Variants in KAT6B observed in about 807,000 individuals in gnomAD.
KAT6B encodes lysine acetyltransferase 6B.
A neutral mutation model predicts 187.5 loss-of-function variants in KAT6B; 10 were observed. The ratio of observed to expected loss-of-function variants is 0.05; its 90% CI spans 0.03 to 0.09. The LOEUF (loss-of-function observed/expected upper bound fraction) is 0.09. Ranked by LOEUF, KAT6B falls within the 10% of genes least tolerant of loss-of-function variation. The pLI is 1.00. For synonymous variants in KAT6B, 861 were observed against 926.8 expected, an observed-to-expected ratio of 0.93 and a Z score of 1.29; for missense variants, 1,952 against 2,558.9, an observed-to-expected ratio of 0.76 and a Z score of 5.12.
At chr10:74,826,208 C>A (rs1417377068), upstream of KAT6B, among the ~76,000 whole-genome samples, 4 of 151,858 alleles carry the variant, frequency 2.6e-5, no homozygotes, top group Non-Finnish European at 5.9e-5. Flanking sequence ...AGGCTACGCT[C>A]CTCTGCTGCG....
chr10:74,902,568 G>A (rs180752053), intron 3 of KAT6B, among the ~76,000 whole-genome samples: 1 of 152,218 alleles, frequency 6.6e-6, no homozygotes, highest in Non-Finnish European at 1.5e-5. Context: ...AACTACTTTG[G>A]TGTATTTCCT....
intron 1 of KAT6B, among the ~76,000 whole-genome samples, chr10:74,835,520 G>C (rs975058470): frequency 6.6e-6 from 1 of 152,204 alleles, no homozygotes; most frequent in Non-Finnish European, 1.5e-5. Flanking sequence ...GGTAATACCC[G>C]AAGTAACTCC....
Position 74,966,652 on chromosome 10 carries a change from A to G in KAT6B, c.731-3008A>G, listed in dbSNP as rs4491161. ...ATATGTATTATGGCTCTCAAATCTG[A>G]TAAATTGCAAAATACAATAGTAAAA... On this transcript the variant is annotated intron_variant, in intron 4 of 17. Transcript: ENST00000287239. Among the ~76,000 whole-genome samples, 829 of 152,358 alleles carry G rather than the reference A, an allele frequency of 5.4e-3. 12 individuals are homozygous for G. The highest frequency in any genetic ancestry group is 0.019 in the African/African-American group (792 of 41,576).
At position 75,017,734 on chromosome 10, in the gene KAT6B, C is replaced by T. The variant is rs554659305; in HGVS notation, c.2630-2848C>T. On this transcript the variant is annotated intron_variant, in intron 13 of 17. Coordinates refer to ENST00000287239, the MANE Select transcript of KAT6B (RefSeq NM_012330.4). ...TGCAGCCTTCTGAGAGGAAGTGCTG[C>T]TGCTGGTTCAAATGGAATTCTGTCC... 1.6e-4 allele frequency among the ~76,000 whole-genome samples: 24 copies of T among 152,324 alleles called. No individual in the cohort carries two copies. The South Asian group carries it at 3.3e-3, about 21-fold the overall frequency.
chr10:74,906,855 C>T (rs1309077565), intron 3 of KAT6B, among the ~76,000 whole-genome samples: 1 of 152,180 alleles, frequency 6.6e-6, no homozygotes, highest in Admixed American at 6.5e-5. Flanking sequence ...CTCTGGAGTG[C>T]CCTCTGCTCT....
intron 3 of KAT6B, among the ~76,000 whole-genome samples, chr10:74,848,223 CAT>C (rs1842242208): frequency 6.6e-6 from 1 of 152,224 alleles, no homozygotes; most frequent in South Asian, 2.1e-4. Flanking sequence ...CTGGCCTCCA[CAT>C]GTTTTTCTAT....
intron 3 of KAT6B, among the ~76,000 whole-genome samples, chr10:74,930,943 C>CT (rs1295580748): frequency 6.6e-6 from 1 of 152,076 alleles, no homozygotes; most frequent in African/African-American, 2.4e-5. Context: ...GACTGCAAGT[C>CT]TTTTTTTGTG....
At chr10:74,908,672 TATA>T (rs1846971777) in intron 3 of KAT6B, among the ~76,000 whole-genome samples, 1 of 152,188 alleles carries the variant, frequency 6.6e-6, no homozygotes, top group Non-Finnish European at 1.5e-5. Flanking sequence ...TGTTTTAGCC[TATA>T]AAAATGGGAA....
At chr10:74,945,961 A>G (rs1342158550) in intron 3 of KAT6B, among the ~76,000 whole-genome samples, 1 of 152,208 alleles carries the variant, frequency 6.6e-6, no homozygotes, top group East Asian at 1.9e-4. Flanking sequence ...TCATAAAACC[A>G]ATTGAGAAAT....
intron 4 of KAT6B, among the ~76,000 whole-genome samples, chr10:74,961,705 G>A (rs1336664948): frequency 6.6e-6 from 1 of 152,182 alleles, no homozygotes; most frequent in Non-Finnish European, 1.5e-5. Context: ...TGCCAGAGGG[G>A]AGGTTGATCT....
At chr10:74,900,704 T>C (rs1846319704) in intron 3 of KAT6B, among the ~76,000 whole-genome samples, 1 of 152,208 alleles carries the variant, frequency 6.6e-6, no homozygotes, top group Non-Finnish European at 1.5e-5. Flanking sequence ...GGGGGTGATA[T>C]ACCAGAAGAA....
At chr10:74,993,242 A>G (rs1441777745) in intron 13 of KAT6B, among the ~76,000 whole-genome samples, 1 of 152,232 alleles carries the variant, frequency 6.6e-6, no homozygotes, top group Non-Finnish European at 1.5e-5. Context: ...CTGCCCAGCA[A>G]TGCCTTATCC....
chr10:74,912,820 G>A (rs1246275362), intron 3 of KAT6B, among the ~76,000 whole-genome samples: 1 of 152,188 alleles, frequency 6.6e-6, no homozygotes, highest in Non-Finnish European at 1.5e-5. Context: ...TAGATGTAGT[G>A]TTGTACCTGG....
At chr10:74,923,095 CTTG>C (rs1848252284) in intron 3 of KAT6B, among the ~76,000 whole-genome samples, 2 of 152,094 alleles carry the variant, frequency 1.3e-5, no homozygotes, top group Non-Finnish European at 2.9e-5. Flanking sequence ...TTCTTAAGTT[CTTG>C]TTTATTTATT....
chr10:74,896,352 C>T (rs1350886169), intron 3 of KAT6B, among the ~76,000 whole-genome samples: 2 of 152,088 alleles, frequency 1.3e-5, no homozygotes, highest in Non-Finnish European at 2.9e-5. Context: ...TACAGTGGCA[C>T]GGGATCTCGG....
chr10:74,898,824 C>CT (rs11405276), intron 3 of KAT6B, among the ~76,000 whole-genome samples: 41,885 of 151,456 alleles, frequency 0.28, 9,794 homozygotes, highest in African/African-American at 0.62. Context: ...GGAAATGAAA[C>CT]TTTGAGTTTC....
chr10:74,879,409 C>T (rs1844683441), intron 3 of KAT6B, among the ~76,000 whole-genome samples: 1 of 152,244 alleles, frequency 6.6e-6, no homozygotes, highest in Non-Finnish European at 1.5e-5. Context: ...GACATAGGAG[C>T]TGCCTTGACT....
At position 74,843,410 on chromosome 10, in the gene KAT6B, C is replaced by T; in HGVS notation, c.553C>T (p.Pro185Ser). ...TGGGAGCTTAGATGGCAAAGGGGCACCTCAGTATCCCAGTGCATTCCCATC... is the reference window on the plus strand; with the variant it reads ...TGGGAGCTTAGATGGCAAAGGGGCATCTCAGTATCCCAGTGCATTCCCATC... ...NYGSLDGKGA[P>S]QYPSAFPSSL... The change falls in exon 3 of 18, where the codon CCT (proline) becomes TCT (serine). Residue 185 changes from proline to serine, a missense_variant. Pro to Ser is a moderately conservative substitution (Grantham distance 74). This residue lies in a region of KAT6B where 218 missense variants were observed against 282.6 expected (regional missense o/e 0.77). Coordinates refer to ENST00000287239, the MANE Select transcript of KAT6B (RefSeq NM_012330.4). 1 of 1,613,980 alleles carries T rather than the reference C, an allele frequency of 6.2e-7. No individual in the cohort carries two copies. Among genetic ancestry groups the T allele is most frequent in the Non-Finnish European group, 8.5e-7 (1 of 1,179,978 alleles).
intron 11 of KAT6B, chr10:74,984,304 A>G (rs1453558128): frequency 6.6e-6 from 1 of 152,210 alleles, no homozygotes; most frequent in African/African-American, 2.4e-5. Context: ...GCAAATATCC[A>G]TTTCCCTTAA....
Sources: gnomAD v4.1 joint callset for allele counts (sites outside exome capture counted in the v4.1 genomes callset) on GRCh38, gnomAD v4.1.1 for gene constraint, gnomAD v4.1.1 regional missense constraint, MANE v1.5 for transcripts, NCBI Gene and HGNC (gene_info 2026-07-23, HGNC 2026-07-21) for gene names.